MAST4: variants seen among roughly 807,000 people sequenced by gnomAD.
MAST4 encodes microtubule-associated serine/threonine-protein kinase 4.
In MAST4, 89 loss-of-function variants were observed where a neutral mutation model predicts 162.7. The ratio of observed to expected loss-of-function variants is 0.55; its 90% CI spans 0.46 to 0.65. The LOEUF is 0.65. Among genes scored for constraint, MAST4 ranks in the 30% least tolerant of loss-of-function variants. MAST4 has a pLI of 0.00. For synonymous variants in MAST4, 1,479 were observed against 1,361.1 expected, an observed-to-expected ratio of 1.09 and a Z score of -1.91; for missense variants, 3,153 against 3,374.0, an observed-to-expected ratio of 0.93 and a Z score of 1.62.
intron 3 of MAST4, among the ~76,000 whole-genome samples, chr5:66,839,094 G>A (rs1758237833): frequency 6.6e-6 from 1 of 152,156 alleles, no homozygotes; most frequent in Admixed American, 6.6e-5. Flanking sequence ...GCAACTGAAG[G>A]TAGAATTAAC....
chr5:67,164,774 G>T lies in MAST4; in HGVS notation c.5595G>T (p.Lys1865Asn). 2 of 1,613,996 alleles carry T rather than the reference G, an allele frequency of 1.2e-6. No individual in the cohort carries two copies. The highest frequency in any genetic ancestry group is 1.7e-6 in the Non-Finnish European group (2 of 1,179,882). The change falls in exon 29 of 29, where the codon AAG becomes AAT. Residue 1865 changes from lysine (K) to asparagine (N), a missense_variant. Around this residue, in one of 7 missense-constraint regions of MAST4, gnomAD observed 1,644 missense variants for 1,495.0 expected, o/e 1.10. Transcript: ENST00000403625. This position sits in a 1 kb window ranked among gnomAD's most constrained non-coding sequence, Gnocchi z 5.3. The stretch of plus-strand genomic sequence containing the variant: ...GAGAGCTTTCTCCTTCCAGCTTAAA[G>T]ATGAATAAATCCTACCTGCTGGAGC... ...SARELSPSSL[K>N]MNKSYLLEPW...
At chr5:66,721,275 C>G (rs1027607800) in intron 1 of MAST4, among the ~76,000 whole-genome samples, 17 of 152,172 alleles carry the variant, frequency 1.1e-4, no homozygotes, top group Non-Finnish European at 1.9e-4. Context: ...TCACCTCCCC[C>G]TGCTCTCTCT....
At chr5:66,656,652 A>G (rs1746570594) in intron 1 of MAST4, among the ~76,000 whole-genome samples, 1 of 152,160 alleles carries the variant, frequency 6.6e-6, no homozygotes, top group Non-Finnish European at 1.5e-5. Context: ...TTTCCATGCA[A>G]TGCAGAGACA....
At chr5:67,007,576 C>A (rs1752186578) in intron 4 of MAST4, among the ~76,000 whole-genome samples, 1 of 152,150 alleles carries the variant, frequency 6.6e-6, no homozygotes, top group Admixed American at 6.5e-5. Context: ...TCTTTAATAT[C>A]AGCTTCTTGC....
chr5:66,727,522 G>A (rs146447207), intron 1 of MAST4, among the ~76,000 whole-genome samples: 300 of 152,170 alleles, frequency 2.0e-3, no homozygotes, highest in Middle Eastern at 6.8e-3. Flanking sequence ...GAGAGGAGGA[G>A]GGCAGTAAAA....
At chr5:67,010,265 T>C (rs2150349802) in intron 4 of MAST4, among the ~76,000 whole-genome samples, 1 of 152,344 alleles carries the variant, frequency 6.6e-6, no homozygotes, top group Non-Finnish European at 1.5e-5. Flanking sequence ...CTAAGTCAAT[T>C]GCCAATGTGG....
intron 1 of MAST4, among the ~76,000 whole-genome samples, chr5:66,648,654 C>T (rs910983908): frequency 2.0e-5 from 3 of 152,058 alleles, no homozygotes; most frequent in Admixed American, 1.3e-4. Context: ...GATTGGTGCT[C>T]GACTGAACTG....
chr5:67,137,200 C>G (rs1418878669), intron 19 of MAST4, among the ~76,000 whole-genome samples: 1 of 152,140 alleles, frequency 6.6e-6, no homozygotes, highest in Non-Finnish European at 1.5e-5. Context: ...AGCACCGTGA[C>G]CCAAGAAAGA....
chr5:66,805,911 T>C lies in MAST4; in HGVS notation c.642+17117T>C, dbSNP rs193159434. 5.3e-3 allele frequency among the ~76,000 whole-genome samples: 802 copies of C among 152,304 alleles called. 8 individuals are homozygous for C. Among genetic ancestry groups the C allele is most frequent in the Admixed American group, 8.4e-3 (129 of 15,304 alleles). On this transcript the variant is annotated intron_variant, in intron 3 of 28. Transcript: ENST00000403625. ...CAATCTCAGGGGCTACTGCTTTGATTTTATGAAGGGAGAGACCAAGCTTCC... is the reference window on the plus strand; with the variant it reads ...CAATCTCAGGGGCTACTGCTTTGATCTTATGAAGGGAGAGACCAAGCTTCC...
intron 5 of MAST4, among the ~76,000 whole-genome samples, chr5:67,082,509 C>T (rs553891273): frequency 2.0e-5 from 3 of 152,096 alleles, no homozygotes; most frequent in Non-Finnish European, 2.9e-5. Context: ...TGAATGAAAC[C>T]AGAGAGACAC....
intron 1 of MAST4, among the ~76,000 whole-genome samples, chr5:66,713,924 G>A (rs766376735): frequency 1.8e-4 from 28 of 152,048 alleles, no homozygotes; most frequent in Non-Finnish European, 3.1e-4. Context: ...ATTTATTTCC[G>A]TGTGCCTGAT....
intron 24 of MAST4, among the ~76,000 whole-genome samples, chr5:67,151,986 T>C (rs1395560765): frequency 6.6e-6 from 1 of 152,138 alleles, no homozygotes; most frequent in Non-Finnish European, 1.5e-5. Flanking sequence ...CTGGCTTGTC[T>C]TGAACTCCTG....
chr5:66,717,188 G>A (rs1750896119), intron 1 of MAST4, among the ~76,000 whole-genome samples: 1 of 152,148 alleles, frequency 6.6e-6, no homozygotes, highest in Admixed American at 6.5e-5. Flanking sequence ...AGGTGAGGGA[G>A]GAGGCTACCC....
At chr5:66,816,604 G>A (rs761056224) in intron 3 of MAST4, among the ~76,000 whole-genome samples, 3 of 152,090 alleles carry the variant, frequency 2.0e-5, no homozygotes, top group Non-Finnish European at 2.9e-5. Flanking sequence ...AGTCCAGGAT[G>A]GTTTGAGGTT....
At chr5:67,162,911 C>A in intron 28 of MAST4, 123 bp downstream of exon 28, 2 of 1,120,990 alleles carry the variant, frequency 1.8e-6, no homozygotes, top group South Asian at 1.6e-5. Context: ...ATTATAAAGA[C>A]AGATTTATAG....
intron 1 of MAST4, among the ~76,000 whole-genome samples, chr5:66,704,668 T>C (rs559474118): frequency 1.3e-5 from 2 of 152,036 alleles, no homozygotes; most frequent in South Asian, 4.2e-4. Context: ...GCTTGGCTAA[T>C]TTTTTGTATT....
intron 1 of MAST4, among the ~76,000 whole-genome samples, chr5:66,713,356 A>G (rs1750616199): frequency 6.6e-6 from 1 of 152,218 alleles, no homozygotes; most frequent in African/African-American, 2.4e-5. Flanking sequence ...ATGGGACCAT[A>G]GAATATGAGT....
chr5:66,986,327 T>C, intron 4 of MAST4: 1 of 621,898 alleles, frequency 1.6e-6, no homozygotes, highest in Middle Eastern at 2.9e-4. Context: ...GACTTGACTT[T>C]TATAGAAAGT....
intron 2 of MAST4, among the ~76,000 whole-genome samples, chr5:66,760,202 G>C (rs1312384302): frequency 6.7e-6 from 1 of 149,162 alleles, no homozygotes; most frequent in Non-Finnish European, 1.5e-5. Flanking sequence ...TGCAACCTCC[G>C]CCTCCCAGGT....
Sources: gnomAD v4.1 joint callset for allele counts (sites outside exome capture counted in the v4.1 genomes callset) on GRCh38, gnomAD v4.1.1 for gene constraint, gnomAD v4.1.1 regional missense constraint, Gnocchi (gnomAD v3.1) non-coding constraint, MANE v1.5 for transcripts, NCBI Gene and HGNC (gene_info 2026-07-23, HGNC 2026-07-21) for gene names.